ACYP2: variants seen among roughly 807,000 people sequenced by gnomAD.
ACYP2 encodes acylphosphatase 2, also known as acylphosphatase-2.
A neutral mutation model predicts 11.2 loss-of-function variants in ACYP2; 12 were observed. That is an observed-to-expected ratio of 1.08 (90% confidence interval 0.69 to 1.74). The LOEUF (loss-of-function observed/expected upper bound fraction) is 1.74. Among genes scored for constraint, ACYP2 ranks in the 40% most tolerant of loss-of-function variants. The probability of loss-of-function intolerance (pLI) is 0.00; values close to 1 mark genes in which losing one functional copy is unlikely to be tolerated. For synonymous variants in ACYP2, 43 were observed against 32.2 expected (o/e 1.33, Z -1.13); for missense variants, 134 against 101.9 (o/e 1.31, Z -1.35).
intron 2 of ACYP2, chr2:53,973,941 CTG>C (rs2104504078): frequency 6.9e-6 from 1 of 145,070 alleles, no homozygotes; most frequent in South Asian, 2.3e-4. Context: ...GAGTCTCACT[CTG>C]TAGCCCAGTC....
At chr2:54,005,781 C>T (rs1432433443) in intron 2 of ACYP2, among the ~76,000 whole-genome samples, 1 of 152,220 alleles carries the variant, frequency 6.6e-6, no homozygotes, top group African/African-American at 2.4e-5. Context: ...CCTTGTCCTT[C>T]TCCTTCAATA....
At chr2:54,124,071 T>C (rs916803966) in intron 4 of ACYP2, among the ~76,000 whole-genome samples, 65 of 152,228 alleles carry the variant, frequency 4.3e-4, no homozygotes, top group Admixed American at 1.3e-3. Context: ...GATGTTTTTT[T>C]CCCAAGTAGT....
intron 4 of ACYP2, among the ~76,000 whole-genome samples, chr2:54,100,751 C>T (rs1678848985): frequency 3.3e-5 from 5 of 152,170 alleles, no homozygotes; most frequent in Admixed American, 1.3e-4. Context: ...TCAGCCGATT[C>T]ACAGGGAACT....
chr2:54,038,194 C>T (rs1260486443), intron 2 of ACYP2, among the ~76,000 whole-genome samples: 1 of 152,108 alleles, frequency 6.6e-6, no homozygotes, highest in Non-Finnish European at 1.5e-5. Context: ...AACATTTGTT[C>T]GGTTGTCCTT....
intron 4 of ACYP2, among the ~76,000 whole-genome samples, chr2:54,130,739 C>G (rs1240067776): frequency 6.6e-6 from 1 of 152,146 alleles, no homozygotes; most frequent in Non-Finnish European, 1.5e-5. Flanking sequence ...AAAATGAGTA[C>G]AATGCATGGG....
intron 6 of ACYP2, among the ~76,000 whole-genome samples, chr2:54,197,977 G>A (rs976025461): frequency 3.0e-5 from 4 of 132,520 alleles, no homozygotes; most frequent in Non-Finnish European, 4.6e-5. Context: ...GTATTGTATT[G>A]TATTGTATTG....
At chr2:54,267,381 T>G in intron 6 of ACYP2, 1 of 1,538,872 alleles carries the variant, frequency 6.5e-7, no homozygotes, top group South Asian at 1.2e-5. Context: ...AGGTTTCTAC[T>G]TTCAAATGAG....
At chr2:54,018,684 A>G (rs115638700) in intron 2 of ACYP2, among the ~76,000 whole-genome samples, 2,749 of 152,174 alleles carry the variant, frequency 0.018, 37 homozygotes, top group Non-Finnish European at 0.03. Context: ...TACAAAATAG[A>G]ACTTCTTATG....
At chr2:54,208,611 G>C (rs993696245) in intron 6 of ACYP2, among the ~76,000 whole-genome samples, 2 of 151,892 alleles carry the variant, frequency 1.3e-5, no homozygotes, top group African/African-American at 4.8e-5. Flanking sequence ...CTTTGCTGCA[G>C]AAGCCCAAAT....
At chr2:54,249,833 A>G (rs1687130071) in intron 6 of ACYP2, among the ~76,000 whole-genome samples, 1 of 150,992 alleles carries the variant, frequency 6.6e-6, no homozygotes, top group African/African-American at 2.4e-5. Flanking sequence ...AGTCCCAGCT[A>G]CTAGGCTGGC....
chr2:54,247,161 T>A (rs1686992478), intron 6 of ACYP2, among the ~76,000 whole-genome samples: 1 of 152,218 alleles, frequency 6.6e-6, no homozygotes, highest in African/African-American at 2.4e-5. Context: ...ACATTATTTC[T>A]CTTCCTTTGT....
At chr2:54,263,213 G>C (rs1208235327) in intron 6 of ACYP2, among the ~76,000 whole-genome samples, 2 of 152,188 alleles carry the variant, frequency 1.3e-5, no homozygotes, top group Non-Finnish European at 2.9e-5. Context: ...GGAAGGCAAA[G>C]GGGCAACAGG....
At chr2:54,138,366 C>A (rs1681388326) in intron 5 of ACYP2, among the ~76,000 whole-genome samples, 1 of 152,102 alleles carries the variant, frequency 6.6e-6, no homozygotes, top group South Asian at 2.1e-4. Context: ...ATCATAGGAA[C>A]TGTTTCTGAA....
intron 6 of ACYP2, among the ~76,000 whole-genome samples, chr2:54,277,677 TAA>T (rs143521400): frequency 6.8e-6 from 1 of 147,676 alleles, no homozygotes; most frequent in African/African-American, 2.5e-5. Flanking sequence ...GACTCCGTCT[TAA>T]AAAAAAAAAT....
intron 4 of ACYP2, among the ~76,000 whole-genome samples, chr2:54,115,180 T>C (rs1679678454): frequency 6.6e-6 from 1 of 152,132 alleles, no homozygotes; most frequent in South Asian, 2.1e-4. Context: ...GAGTAGATCT[T>C]AAATGTTCTC....
chr2:54,204,023 C>T (rs1436741955), intron 6 of ACYP2, among the ~76,000 whole-genome samples: 2 of 152,102 alleles, frequency 1.3e-5, no homozygotes, highest in African/African-American at 4.8e-5. Flanking sequence ...AAGACGGAGT[C>T]TCGCTCTGTC....
chr2:54,184,481 T>C (rs1000508577), intron 6 of ACYP2, among the ~76,000 whole-genome samples: 1 of 152,034 alleles, frequency 6.6e-6, no homozygotes, highest in Non-Finnish European at 1.5e-5. Context: ...AACCAGTAAA[T>C]GTTTTCATGC....
intron 4 of ACYP2, among the ~76,000 whole-genome samples, chr2:54,065,047 G>A (rs1353939448): frequency 7.2e-6 from 1 of 138,866 alleles, no homozygotes; most frequent in Non-Finnish European, 1.5e-5. Flanking sequence ...TCATGCCACT[G>A]CACTCCAGCC....
At position 54,054,981 on chromosome 2, in the gene ACYP2, T is replaced by C. The variant is rs144212072; in HGVS notation, c.156-2258T>C. 6.7e-3 allele frequency among the ~76,000 whole-genome samples: 1,020 copies of C among 152,324 alleles called. 8 individuals carry two copies. The highest frequency in any genetic ancestry group is 8.4e-3 in the Non-Finnish European group (573 of 68,030). Reference sequence around the variant, plus strand: ...TCTCTGGCTTTACGTAAATATTTACTTACTAACTTTTCCTCATATAAAAAA... The same window carrying C: ...TCTCTGGCTTTACGTAAATATTTACCTACTAACTTTTCCTCATATAAAAAA... On this transcript the variant is annotated intron_variant, in intron 3 of 6. Coordinates refer to ENST00000607452, the MANE Select transcript of ACYP2 (RefSeq NM_001320586.2).
Sources: gnomAD v4.1 joint callset for allele counts (sites outside exome capture counted in the v4.1 genomes callset) on GRCh38, gnomAD v4.1.1 for gene constraint, MANE v1.5 for transcripts, NCBI Gene and HGNC (gene_info 2026-07-23, HGNC 2026-07-21) for gene names.